The following FGGY variants were observed in gnomAD, a reference collection of about 807,000 sequenced individuals.
FGGY encodes FGGY carbohydrate kinase domain containing.
In FGGY, 72 loss-of-function variants were observed where a neutral mutation model predicts 71.3. The observed-to-expected ratio is 1.01, with a 90% confidence interval of 0.84 to 1.23. FGGY has a LOEUF of 1.23. Among genes scored for constraint, FGGY ranks in the 50% most tolerant of loss-of-function variants. The probability of loss-of-function intolerance (pLI) is 0.00; values close to 1 mark genes in which losing one functional copy is unlikely to be tolerated. For missense variants in FGGY, 668 were observed against 682.3 expected, an observed-to-expected ratio of 0.98 and a Z score of 0.23; for synonymous variants, 251 against 250.3, an observed-to-expected ratio of 1.00 and a Z score of -0.02.
intron 1 of FGGY, among the ~76,000 whole-genome samples, chr1:59,320,430 G>A (rs2046186304): frequency 6.6e-6 from 1 of 152,154 alleles, no homozygotes; most frequent in African/African-American, 2.4e-5. Flanking sequence ...ACTGCCTTGA[G>A]CTCACCTGGA....
At chr1:59,714,011 A>G (rs931949222) in intron 14 of FGGY, among the ~76,000 whole-genome samples, 2 of 152,228 alleles carry the variant, frequency 1.3e-5, no homozygotes, top group Non-Finnish European at 1.5e-5. Context: ...GAAGTGCCCA[A>G]TGACAATCAT....
At chr1:59,319,289 T>G (rs2045977162) in intron 1 of FGGY, among the ~76,000 whole-genome samples, 1 of 152,230 alleles carries the variant, frequency 6.6e-6, no homozygotes, top group Non-Finnish European at 1.5e-5. Flanking sequence ...TGTTCATCCT[T>G]GTTTCTGTTA....
chr1:59,722,567 G>A (rs905761472), intron 14 of FGGY, among the ~76,000 whole-genome samples: 1 of 152,078 alleles, frequency 6.6e-6, no homozygotes, highest in African/African-American at 2.4e-5. Flanking sequence ...TTATAATCCA[G>A]TACTACTTTG....
At chr1:59,755,425 T>C (rs1287878045) in intron 14 of FGGY, 1 of 152,108 alleles carries the variant, frequency 6.6e-6, no homozygotes, top group Admixed American at 6.5e-5. Context: ...CAAAAAAATA[T>C]GGTGCCATGT....
chr1:59,495,960 A>G (rs1158322022), intron 6 of FGGY, among the ~76,000 whole-genome samples: 4 of 152,120 alleles, frequency 2.6e-5, no homozygotes, highest in East Asian at 1.9e-4. Context: ...TGCTTTGTCT[A>G]TTCGGGCTCT....
At chr1:59,715,341 C>T (rs2097837118) in intron 14 of FGGY, among the ~76,000 whole-genome samples, 1 of 152,204 alleles carries the variant, frequency 6.6e-6, no homozygotes, top group Admixed American at 6.5e-5. Flanking sequence ...ATGAATTCCA[C>T]ACCTGTTCCC....
intron 6 of FGGY, among the ~76,000 whole-genome samples, chr1:59,500,145 T>G (rs912164159): frequency 2.0e-5 from 3 of 152,154 alleles, no homozygotes; most frequent in African/African-American, 7.2e-5. Context: ...CGTGAATTCT[T>G]TAAACAAATA....
rs150942241 is a variant in FGGY, at chr1:59,583,640, A to G, written c.904-24163A>G. ...GGCACACCTGAGGGGCATTTCCTCA[A>G]TGGGAGAGCACCTTTGCCCTTCACA... is the stretch of plus-strand genomic sequence containing the variant. On this transcript the variant is annotated intron_variant, in intron 8 of 15. Coordinates refer to ENST00000303721, the MANE Select transcript of FGGY (RefSeq NM_018291.5). 1.2e-4 allele frequency among the ~76,000 whole-genome samples: 17 copies of G among 142,294 alleles called. 2 individuals are homozygous for G. The East Asian group carries it at 2.5e-3, about 21-fold the overall frequency. The allele number at this position is 142,294 out of a possible 152,430, so 93.4% of individuals were successfully genotyped here. A position where few individuals can be genotyped will look rare whatever the true frequency, so the allele number is the denominator to read the frequency against.
intron 11 of FGGY, among the ~76,000 whole-genome samples, chr1:59,655,243 A>G (rs1172290277): frequency 2.0e-5 from 3 of 152,204 alleles, no homozygotes; most frequent in Admixed American, 6.5e-5. Flanking sequence ...AGAGAAACGG[A>G]AAGAAAATGA....
intron 14 of FGGY, among the ~76,000 whole-genome samples, chr1:59,745,601 G>A (rs141354338): frequency 0.011 from 1,744 of 152,258 alleles, 34 homozygotes; most frequent in African/African-American, 0.039. Context: ...TCTCCCATTG[G>A]CCTGCTCCTT....
intron 8 of FGGY, among the ~76,000 whole-genome samples, chr1:59,563,738 TC>T (rs1486823337): frequency 6.6e-6 from 1 of 152,078 alleles, no homozygotes; most frequent in East Asian, 1.9e-4. Flanking sequence ...GCCAAGACAA[TC>T]CTAAGCCAAA....
chr1:59,533,433 C>A (rs1191074531), intron 7 of FGGY, among the ~76,000 whole-genome samples: 1 of 152,226 alleles, frequency 6.6e-6, no homozygotes, highest in Admixed American at 6.5e-5. Context: ...GAGGGGCGCC[C>A]GCCATTGCCC....
intron 14 of FGGY, among the ~76,000 whole-genome samples, chr1:59,746,650 C>G (rs1284420465): frequency 6.6e-6 from 1 of 152,064 alleles, no homozygotes; most frequent in East Asian, 1.9e-4. Flanking sequence ...TACCATCACA[C>G]CTGGCTAATT....
At chr1:59,703,772 G>A (rs1206882233) in intron 14 of FGGY, among the ~76,000 whole-genome samples, 2 of 152,186 alleles carry the variant, frequency 1.3e-5, no homozygotes, top group African/African-American at 2.4e-5. Flanking sequence ...TCTGTCATGA[G>A]TCATTTGACT....
intron 3 of FGGY, among the ~76,000 whole-genome samples, chr1:59,345,194 A>G (rs993835043): frequency 3.9e-5 from 6 of 152,208 alleles, no homozygotes; most frequent in African/African-American, 7.2e-5. Flanking sequence ...AACATTTACT[A>G]TTAGCAAGAT....
chr1:59,727,400 G>A (rs778616388), intron 14 of FGGY, among the ~76,000 whole-genome samples: 6 of 152,112 alleles, frequency 3.9e-5, no homozygotes, highest in Non-Finnish European at 7.4e-5. Flanking sequence ...TCCTTTGGAT[G>A]TATACCCAGT....
chr1:59,464,392 A>G, intron 6 of FGGY, among the ~76,000 whole-genome samples: 1 of 152,230 alleles, frequency 6.6e-6, no homozygotes, highest in Non-Finnish European at 1.5e-5. Flanking sequence ...TTATAGCACT[A>G]AATGCCCACA....
rs571270219 is a variant in FGGY at position 59,533,418 on chromosome 1, T to A, written c.800-20706T>A. Among the ~76,000 whole-genome samples, 27 of 152,238 alleles carry A rather than the reference T, an allele frequency of 1.8e-4. No homozygotes were observed. In the South Asian group the frequency reaches 3.9e-3, roughly 22 times the overall value. ...TCAAACTGCAAGGCTGCAGCGAGGC[T>A]GGGGGAGGGGCGCCCGCCATTGCCC... On this transcript the variant is annotated intron_variant, in intron 7 of 15. Coordinates refer to ENST00000303721, the MANE Select transcript of FGGY (RefSeq NM_018291.5).
intron 4 of FGGY, among the ~76,000 whole-genome samples, chr1:59,376,376 T>A (rs1190016014): frequency 6.6e-6 from 1 of 152,236 alleles, no homozygotes; most frequent in Admixed American, 6.5e-5. Context: ...AGATCTGAAC[T>A]CTTTTGATAT....
Sources: allele counts gnomAD v4.1 joint callset (sites outside exome capture counted in the v4.1 genomes callset), GRCh38; gene constraint gnomAD v4.1.1; transcripts MANE v1.5; gene names NCBI Gene and HGNC (gene_info 2026-07-23, HGNC 2026-07-21).